Variants in CNTNAP5 observed in about 807,000 individuals in gnomAD.
The protein encoded by CNTNAP5 is contactin-associated protein-like 5.
In CNTNAP5, 72 loss-of-function variants were observed where a neutral mutation model predicts 150.2. The ratio of observed to expected loss-of-function variants is 0.48; its 90% confidence interval spans 0.40 to 0.58. The LOEUF (loss-of-function observed/expected upper bound fraction) is 0.58. Among genes scored for constraint, CNTNAP5 ranks in the 20% least tolerant of loss-of-function variants. CNTNAP5 has a pLI of 0.00. For synonymous variants in CNTNAP5, 672 were observed against 619.8 expected, an observed-to-expected ratio of 1.08 and a Z score of -1.25; for missense variants, 1,636 against 1,626.2, an observed-to-expected ratio of 1.01 and a Z score of -0.10.
intron 8 of CNTNAP5, among the ~76,000 whole-genome samples, chr2:124,520,989 A>G (rs1694835946): frequency 6.6e-6 from 1 of 152,222 alleles, no homozygotes; most frequent in South Asian, 2.1e-4. Flanking sequence ...AACGAGGACC[A>G]GGTGAAAGTG....
rs771968525 is a variant in CNTNAP5 at position 124,434,626 on chromosome 2, G to A, written c.672G>A (p.Gln224=). The A allele has an allele frequency of 3.1e-6, 5 of 1,613,872 alleles. No homozygotes were observed. Among genetic ancestry groups the A allele is most frequent in the African/African-American group, 2.7e-5 (2 of 75,044 alleles). The part of the protein sequence containing the change: ...GDGVLFHGEG[Q]RGDHITLELQ... ...GGGTCCTGTTCCATGGAGAAGGTCA[G>A]CGTGGAGACCACATCACCTTGGAAC... The change falls in exon 5 of 24, where the codon CAG becomes CAA. Residue 224 remains glutamine (Q), a synonymous_variant. Transcript: ENST00000682447.
chr2:124,734,498 G>C (rs574466862), intron 13 of CNTNAP5, among the ~76,000 whole-genome samples: 2 of 151,998 alleles, frequency 1.3e-5, no homozygotes, highest in Admixed American at 6.6e-5. Flanking sequence ...ATGGGGGCTA[G>C]CGAAGAAAGA....
chr2:124,139,919 C>T (rs964965363), intron 1 of CNTNAP5, among the ~76,000 whole-genome samples: 10 of 152,250 alleles, frequency 6.6e-5, no homozygotes, highest in South Asian at 2.1e-4. Context: ...TGGGCGCAGG[C>T]CAGTGTGTGC....
intron 6 of CNTNAP5, among the ~76,000 whole-genome samples, chr2:124,472,312 G>A (rs1693536836): frequency 6.6e-6 from 1 of 151,982 alleles, no homozygotes; most frequent in African/African-American, 2.4e-5. Flanking sequence ...TAATTTGTGT[G>A]TAAAAGAGCA....
intron 21 of CNTNAP5, among the ~76,000 whole-genome samples, chr2:124,884,872 A>C (rs1400746574): frequency 1.3e-5 from 2 of 151,984 alleles, no homozygotes; most frequent in Non-Finnish European, 2.9e-5. Context: ...GGGGGATATA[A>C]AGGGTACTTT....
intron 13 of CNTNAP5, among the ~76,000 whole-genome samples, chr2:124,656,796 T>C (rs1398549958): frequency 6.6e-6 from 1 of 152,186 alleles, no homozygotes; most frequent in Admixed American, 6.5e-5. Flanking sequence ...GTCCACTTCC[T>C]TTATCTCAAG....
chr2:124,026,623 ACTTCC>A (rs1680897565), intron 1 of CNTNAP5, among the ~76,000 whole-genome samples: 1 of 152,192 alleles, frequency 6.6e-6, no homozygotes, highest in African/African-American at 2.4e-5. Context: ...CAGCTCTGGG[ACTTCC>A]TAAATGAGAA....
chr2:124,031,730 A>T (rs933160402), intron 1 of CNTNAP5, among the ~76,000 whole-genome samples: 5 of 150,222 alleles, frequency 3.3e-5, no homozygotes, highest in South Asian at 4.1e-4. Context: ...TATAGAATCT[A>T]AAAAAAATAC....
At chr2:124,129,837 T>C (rs1683804309) in intron 1 of CNTNAP5, among the ~76,000 whole-genome samples, 1 of 152,190 alleles carries the variant, frequency 6.6e-6, no homozygotes, top group Admixed American at 6.5e-5. Context: ...TGACGGATGT[T>C]GGAGGGAAGG....
At chr2:124,713,320 T>TTTCTTTCC (rs1380032707) in intron 13 of CNTNAP5, among the ~76,000 whole-genome samples, 4 of 38,694 alleles carry the variant, frequency 1.0e-4, no homozygotes, top group African/African-American at 3.8e-4. Flanking sequence ...CTTTCTTTCC[T>TTTCTTTCC]TTCTTTCTTT....
Position 124,440,639 on chromosome 2 carries a change from A to G in CNTNAP5, c.733+5952A>G, listed in dbSNP as rs565411528. Among the ~76,000 whole-genome samples the G allele has an allele frequency of 7.2e-5, 11 of 152,212 alleles. No individual in the cohort carries two copies. The East Asian group carries it at 2.1e-3, about 29-fold the overall frequency. ...CTGGTAAATTAAACACTTTTTGCAA[A>G]CATTTCAAGCTTCCTATAAAAATTG... On this transcript the variant is annotated intron_variant, in intron 5 of 23. Transcript: ENST00000682447.
intron 6 of CNTNAP5, among the ~76,000 whole-genome samples, chr2:124,469,026 A>G (rs553619658): frequency 6.6e-6 from 1 of 152,186 alleles, no homozygotes; most frequent in Non-Finnish European, 1.5e-5. Flanking sequence ...TGTGTTTTCC[A>G]AGATCTGTCT....
At chr2:124,526,062 A>G (rs564493260) in intron 9 of CNTNAP5, among the ~76,000 whole-genome samples, 1 of 152,308 alleles carries the variant, frequency 6.6e-6, no homozygotes, top group South Asian at 2.1e-4. Context: ...GCTATCTTGC[A>G]TTTATTCTTG....
At chr2:124,840,735 G>A (rs1378476796) in intron 19 of CNTNAP5, among the ~76,000 whole-genome samples, 1 of 152,044 alleles carries the variant, frequency 6.6e-6, no homozygotes, top group Non-Finnish European at 1.5e-5. Flanking sequence ...CTAGTTACAC[G>A]ATTTGTTAAT....
Position 124,382,842 on chromosome 2 carries a change from T to G in CNTNAP5, c.382-34601T>G, listed in dbSNP as rs201581457. Among the ~76,000 whole-genome samples, 7 of 152,312 alleles carry G rather than the reference T, an allele frequency of 4.6e-5. No homozygotes were observed. In the East Asian group the frequency reaches 9.7e-4, roughly 21 times the overall value. On this transcript the variant is annotated intron_variant, in intron 3 of 23. Transcript: ENST00000682447. ...CTAGTTTGATTCCTATATCTGAAGT[T>G]TGGAAATTGAGCTTGTGTTTCTCTA...
intron 13 of CNTNAP5, among the ~76,000 whole-genome samples, chr2:124,670,729 C>G (rs1373681917): frequency 6.6e-6 from 1 of 151,788 alleles, no homozygotes; most frequent in Non-Finnish European, 1.5e-5. Context: ...TTGCAAATCT[C>G]TTTTCCAATT....
intron 3 of CNTNAP5, among the ~76,000 whole-genome samples, chr2:124,285,420 A>T (rs2104627809): frequency 6.6e-6 from 1 of 152,304 alleles, no homozygotes; most frequent in South Asian, 2.1e-4. Flanking sequence ...ATATGGAGTC[A>T]TTTAAATTGC....
intron 3 of CNTNAP5, among the ~76,000 whole-genome samples, chr2:124,338,954 C>G (rs1016142587): frequency 6.6e-6 from 1 of 152,020 alleles, no homozygotes; most frequent in African/African-American, 2.4e-5. Context: ...AGCAGATGGT[C>G]TTATGGATTA....
At chr2:124,708,103 G>A (rs1679731248) in intron 13 of CNTNAP5, among the ~76,000 whole-genome samples, 1 of 152,140 alleles carries the variant, frequency 6.6e-6, no homozygotes, top group Non-Finnish European at 1.5e-5. Context: ...TGTTCTTTGA[G>A]TTTTAATTAA....
Sources: gnomAD v4.1 joint callset for allele counts (sites outside exome capture counted in the v4.1 genomes callset) on GRCh38, gnomAD v4.1.1 for gene constraint, MANE v1.5 for transcripts, NCBI Gene and HGNC (gene_info 2026-07-23, HGNC 2026-07-21) for gene names.